The following ITGAD variants were observed in gnomAD, a reference collection of about 807,000 sequenced individuals.
ITGAD encodes the protein integrin subunit alpha D, also known as integrin alpha-D.
ITGAD carries 105 observed loss-of-function variants against 139.0 expected under a neutral mutation model. The ratio of observed to expected loss-of-function variants is 0.76; its 90% CI spans 0.65 to 0.89. The LOEUF is 0.89. Ranked by LOEUF, ITGAD falls within the 40% of genes least tolerant of loss-of-function variation. The pLI is 0.00. For synonymous variants in ITGAD, 569 were observed against 598.3 expected (o/e 0.95, Z 0.71); for missense variants, 1,384 against 1,487.3 (o/e 0.93, Z 1.14).
At chr16:31,402,936 A>G (rs56191046) in intron 6 of ITGAD, 47,606 of 152,224 alleles carry the variant, frequency 0.31, 8,162 homozygotes, top group East Asian at 0.62. Flanking sequence ...GAAATACACA[A>G]ATTGATTTAA....
In ITGAD at chr16:31,424,842, G is replaced by A. The variant is rs141597381; in HGVS notation, c.3372+265G>A. 3.6e-3 allele frequency: 975 copies of A among 267,788 alleles called. 12 individuals carry two copies. The highest frequency in any genetic ancestry group is 0.021 in the African/African-American group (917 of 44,056). The allele number at this position is 267,788 out of a possible 1,614,324, so 16.6% of individuals were successfully genotyped here. ...TCGAACTCCTGACTTCAGGTGATCC[G>A]CCCACCTTGGCCTCCCAAAGTTCTG... On this transcript the variant is annotated intron_variant, in intron 29 of 29. Coordinates refer to ENST00000389202, the MANE Select transcript of ITGAD (RefSeq NM_005353.3).
chr16:31,394,831 C>T (rs2081226397), intron 2 of ITGAD, among the ~76,000 whole-genome samples: 1 of 152,172 alleles, frequency 6.6e-6, no homozygotes, highest in South Asian at 2.1e-4. Context: ...GCCATCATGC[C>T]TGTTTTTTGT....
At chr16:31,401,124 G>A (rs1359217051) in intron 5 of ITGAD, among the ~76,000 whole-genome samples, 2 of 152,150 alleles carry the variant, frequency 1.3e-5, no homozygotes, top group African/African-American at 2.4e-5. Flanking sequence ...GCCAGGCAAG[G>A]TGGTGCACAC....
At chr16:31,400,924 C>T (rs11865659) in intron 5 of ITGAD, among the ~76,000 whole-genome samples, 10,576 of 152,054 alleles carry the variant, frequency 0.07, 1,192 homozygotes, top group African/African-American at 0.24. Flanking sequence ...TCTTGGGCAC[C>T]GCACCCATGG....
chr16:31,397,615 C>T lies in ITGAD; in HGVS notation c.261C>T (p.Asn87=). 6.2e-7 allele frequency: 1 copy of T among 1,600,412 alleles called. No homozygotes were observed. The change falls in exon 4 of 30, where the codon AAC becomes AAT. Residue 87 remains asparagine (N), a synonymous_variant. Transcript: ENST00000389202. ...TTGCAGTCCGCCCTGAGGCCGTGAA[C>T]ATGTCCTTGGGCCTGACCCTGGCAG... ...IPLHIRPEAV[N]MSLGLTLAAS...
At chr16:31,399,307 A>G (rs1199742007) in intron 5 of ITGAD, among the ~76,000 whole-genome samples, 1 of 152,226 alleles carries the variant, frequency 6.6e-6, no homozygotes, top group Non-Finnish European at 1.5e-5. Flanking sequence ...CCTGGCACAT[A>G]GTATGTGATA....
At chr16:31,410,989 T>C (rs1310388403) in intron 12 of ITGAD, 87 bp from the exon 13 acceptor site, 7 of 1,599,746 alleles carry the variant, frequency 4.4e-6, no homozygotes, top group Non-Finnish European at 6.0e-6. Flanking sequence ...TTGGGAGAGG[T>C]CCTGGTACCT....
intron 5 of ITGAD, among the ~76,000 whole-genome samples, chr16:31,401,502 G>T (rs930763925): frequency 6.6e-6 from 1 of 152,118 alleles, no homozygotes; most frequent in Non-Finnish European, 1.5e-5. Context: ...TGGGGTCTGG[G>T]GTGGATCCCT....
chr16:31,397,543 C>T, intron 3 of ITGAD, 53 bp from the exon 4 acceptor site: 2 of 1,598,128 alleles, frequency 1.3e-6, no homozygotes, highest in South Asian at 2.2e-5. Context: ...TCCAGACCTT[C>T]CCCGCAAATG....
rs1200235880 is a variant in ITGAD at position 31,403,365 on chromosome 16, TC to T, written c.559-133del. The T allele has an allele frequency of 7.4e-5, 75 of 1,007,408 alleles. No individual in the cohort carries two copies. The highest frequency in any genetic ancestry group is 1.1e-4 in the Non-Finnish European group (75 of 676,854). 62.4% of individuals were successfully genotyped at this position (1,007,408 alleles called of 1,614,324 possible). ...CAGGCATGTGACGTGTGCCTGTAGT[TC>T]CAGCTACTTGGAGGCTGAGGCAGGA... On this transcript the variant is annotated intron_variant, in intron 6 of 29. Transcript: ENST00000389202. This position sits in a 1 kb window ranked among gnomAD's most constrained non-coding sequence, Gnocchi z 4.4.
chr16:31,397,253 CCA>C (rs1375432017), intron 2 of ITGAD, 104 bp from the exon 3 acceptor site: 1 of 733,814 alleles, frequency 1.4e-6, no homozygotes, highest in Non-Finnish European at 2.3e-6. Flanking sequence ...GGAATTTCCC[CCA>C]CAGAGTCTCG....
chr16:31,410,508 G>A lies in ITGAD; in HGVS notation c.1197G>A (p.Met399Ile), dbSNP rs1218360026. 1.9e-6 allele frequency: 3 copies of A among 1,613,704 alleles called. No homozygotes were observed. In the African/African-American group the frequency reaches 4.0e-5, roughly 22 times the overall value. ...ACATGTCTCAGGAGAATGTGGACAT[G>A]AGGGACTCTTACCTGGGTGAGAAAC... is the stretch of plus-strand genomic sequence containing the variant. ...FINMSQENVD[M>I]RDSYLGYSTE... The change falls in exon 11 of 30, where the codon ATG becomes ATA. Residue 399 changes from methionine to isoleucine, a missense_variant. Coordinates refer to ENST00000389202, the MANE Select transcript of ITGAD (RefSeq NM_005353.3).
chr16:31,417,726 C>T (rs911698959), intron 20 of ITGAD, among the ~76,000 whole-genome samples: 3 of 152,262 alleles, frequency 2.0e-5, no homozygotes, highest in South Asian at 4.1e-4. Context: ...GGGTGGATCA[C>T]CTGAGGTCAG....
rs966710947 is a variant in ITGAD, at chr16:31,397,847, G to T, written c.365G>T (p.Gly122Val). The T allele has an allele frequency of 2.5e-6, 4 of 1,613,790 alleles. No homozygotes were observed. Among genetic ancestry groups the T allele is most frequent in the Non-Finnish European group, 3.4e-6 (4 of 1,180,010 alleles). ...TGTGGGGAGAACTCATACTCAAAGG[G>T]TTCCTGCCTCCTGCTGGGCTCGCGC... is the stretch of plus-strand genomic sequence containing the variant. ...RVCGENSYSK[G>V]SCLLLGSRWE... Residue 122 changes from glycine (G) to valine (V), a missense_variant, in exon 5 of 30, where the codon GGT (glycine) becomes GTT (valine). Transcript: ENST00000389202.
At chr16:31,396,543 T>TA (rs370650790) in intron 2 of ITGAD, among the ~76,000 whole-genome samples, 238 of 152,344 alleles carry the variant, frequency 1.6e-3, no homozygotes, top group African/African-American at 5.4e-3. Flanking sequence ...TCCAAACTGC[T>TA]ACCTCTCTAG....
Position 31,416,634 on chromosome 16 carries a change from G to A in ITGAD, c.2487G>A (p.Val829=). The change falls in exon 20 of 30, where the codon GTG becomes GTA. Residue 829 remains valine (V), a synonymous_variant. Transcript: ENST00000389202. ...YYPAGLSHRR[V]SGAQKQPHQS... Reference sequence around the variant, plus strand: ...CAGCAGGGCTGTCGCACCGACGGGTGTCAGGAGCCCAGGTAACAACTGCTG... The same window carrying A: ...CAGCAGGGCTGTCGCACCGACGGGTATCAGGAGCCCAGGTAACAACTGCTG... The A allele has an allele frequency of 6.2e-7, 1 of 1,609,196 alleles. No individual in the cohort carries two copies. The highest frequency in any genetic ancestry group is 8.5e-7 in the Non-Finnish European group (1 of 1,176,204).
At position 31,412,981 on chromosome 16, in the gene ITGAD, C is replaced by T. The variant is rs752765091; in HGVS notation, c.1838+13C>T. On this transcript the variant is annotated intron_variant, in intron 15 of 29. Coordinates refer to ENST00000389202, the MANE Select transcript of ITGAD (RefSeq NM_005353.3). ...TGCTCCTGCTCAGGTAGCGACTCCC[C>T]AACATCCTGCCCTCCCGCGCTGTGT... 51 of 1,602,208 alleles carry T rather than the reference C, an allele frequency of 3.2e-5. No individual in the cohort carries two copies. In the East Asian group the frequency reaches 1.0e-3, roughly 33 times the overall value.
At position 31,408,511 on chromosome 16, in the gene ITGAD, T is replaced by G; in HGVS notation, c.1083+13T>G. On this transcript the variant is annotated intron_variant, in intron 10 of 29. Coordinates refer to ENST00000389202, the MANE Select transcript of ITGAD (RefSeq NM_005353.3). The stretch of plus-strand genomic sequence containing the variant: ...AGCCCTCACAATGGTGGGTAGAGCC[T>G]GCCCTCAATCCATAGCTCTTGGATA... The G allele has an allele frequency of 6.2e-7, 1 of 1,611,582 alleles. No homozygotes were observed. Among genetic ancestry groups the G allele is most frequent in the Non-Finnish European group, 8.5e-7 (1 of 1,177,842 alleles).
intron 5 of ITGAD, 26 bp downstream of exon 5, chr16:31,397,935 C>T (rs1337531078): frequency 1.3e-6 from 2 of 1,558,918 alleles, no homozygotes; most frequent in Admixed American, 3.5e-5. Flanking sequence ...GCCATGGTTC[C>T]CTGTGGAGCA....
Sources: allele counts gnomAD v4.1 joint callset (sites outside exome capture counted in the v4.1 genomes callset), GRCh38; gene constraint gnomAD v4.1.1; non-coding constraint Gnocchi (gnomAD v3.1); transcripts MANE v1.5; gene names NCBI Gene and HGNC (gene_info 2026-07-23, HGNC 2026-07-21).